COL14A1: variants seen among roughly 807,000 people sequenced by gnomAD.
The protein encoded by COL14A1 is collagen alpha-1(XIV) chain.
Under a neutral mutation model 230.3 loss-of-function variants are expected in COL14A1, and 136 were observed. That is an observed-to-expected ratio of 0.59 (90% CI 0.51 to 0.68). The LOEUF (loss-of-function observed/expected upper bound fraction) is 0.68. Among genes scored for constraint, COL14A1 ranks in the 30% least tolerant of loss-of-function variants. The pLI is 0.00. For synonymous variants in COL14A1, 792 were observed against 784.1 expected (o/e 1.01, Z -0.17); for missense variants, 1,976 against 2,215.8 (o/e 0.89, Z 2.17).
chr8:120,232,081 C>A (rs1017179840), intron 19 of COL14A1: 2 of 152,364 alleles, frequency 1.3e-5, no homozygotes, highest in African/African-American at 4.8e-5. Flanking sequence ...AATAAAATAC[C>A]ATCCGTTAAC....
At chr8:120,137,953 G>A (rs960514219) in intron 1 of COL14A1, among the ~76,000 whole-genome samples, 12 of 151,730 alleles carry the variant, frequency 7.9e-5, no homozygotes, top group African/African-American at 2.7e-4. Context: ...AACATACAGA[G>A]TATGTTTTTC....
At chr8:120,302,027 C>T (rs1301995123) in intron 36 of COL14A1, among the ~76,000 whole-genome samples, 1 of 151,612 alleles carries the variant, frequency 6.6e-6, no homozygotes, top group African/African-American at 2.4e-5. Flanking sequence ...CTGTTTATGT[C>T]CTTCTTTTGA....
At chr8:120,138,417 G>A (rs1355789347) in intron 1 of COL14A1, among the ~76,000 whole-genome samples, 6 of 152,044 alleles carry the variant, frequency 3.9e-5, no homozygotes, top group African/African-American at 1.4e-4. Flanking sequence ...ATTCCATTCT[G>A]ACATTTCCCT....
chr8:120,139,422 G>T (rs80274832), intron 1 of COL14A1, among the ~76,000 whole-genome samples: 1 of 152,086 alleles, frequency 6.6e-6, no homozygotes, highest in Non-Finnish European at 1.5e-5. Context: ...GATAAAAATG[G>T]CTAGAAATGT....
chr8:120,313,029 A>G (rs1821097299), intron 37 of COL14A1, among the ~76,000 whole-genome samples: 1 of 152,166 alleles, frequency 6.6e-6, no homozygotes, highest in Non-Finnish European at 1.5e-5. Context: ...GGGTTACAGA[A>G]ATAAGGGTAA....
At chr8:120,303,616 T>C (rs7004015) in intron 36 of COL14A1, among the ~76,000 whole-genome samples, 82,064 of 151,960 alleles carry the variant, frequency 0.54, 23,975 homozygotes, top group African/African-American at 0.79. Flanking sequence ...AGCTTTTTGA[T>C]GTGCTGCTGG....
Position 120,289,773 on chromosome 8 carries a change from G to A in COL14A1, c.4236+7G>A. 1 of 1,609,808 alleles carries A rather than the reference G, an allele frequency of 6.2e-7. No homozygotes were observed. ...AGGTGGAAACTCTGCACCGGTAAGT[G>A]AATAAACCCGTGAAGCTGTGTTATT... On this transcript the variant is annotated splice_region_variant and intron_variant, in intron 34 of 47. Coordinates refer to ENST00000297848, the MANE Select transcript of COL14A1 (RefSeq NM_021110.4).
intron 5 of COL14A1, among the ~76,000 whole-genome samples, chr8:120,194,100 G>A (rs561279576): frequency 2.0e-5 from 3 of 152,290 alleles, no homozygotes; most frequent in Admixed American, 6.5e-5. Context: ...GGATGAACCC[G>A]GTACCTCAGA....
At position 120,162,830 on chromosome 8, in the gene COL14A1, T is replaced by G. The variant is rs182135369; in HGVS notation, c.349+261T>G. Among the ~76,000 whole-genome samples, 12 of 152,328 alleles carry G rather than the reference T, an allele frequency of 7.9e-5. No homozygotes were observed. The East Asian group carries it at 2.1e-3, about 27-fold the overall frequency. On this transcript the variant is annotated intron_variant, in intron 4 of 47. Transcript: ENST00000297848. ...ACTTCTTAACATTGGCTCCTGAACC[T>G]TACCCAGACATCTCTCCTATGTGAT...
At chr8:120,233,708 T>C (rs1025802288) in intron 19 of COL14A1, among the ~76,000 whole-genome samples, 3 of 152,212 alleles carry the variant, frequency 2.0e-5, no homozygotes, top group Non-Finnish European at 4.4e-5. Flanking sequence ...CCAAGCTGTT[T>C]TGGTTACTGT....
chr8:120,236,471 G>A (rs1376807776), intron 19 of COL14A1, among the ~76,000 whole-genome samples: 1 of 151,648 alleles, frequency 6.6e-6, no homozygotes, highest in African/African-American at 2.4e-5. Flanking sequence ...CATTTGCTTG[G>A]TAAATATTCC....
In COL14A1 at chr8:120,315,518, C is replaced by T. The variant is rs750677008; in HGVS notation, c.4552-15C>T. On this transcript the variant is annotated splice_polypyrimidine_tract_variant and intron_variant, in intron 38 of 47. Transcript: ENST00000297848. Reference sequence around the variant, plus strand: ...ACCTATGTGAACTTAACTCTGTATACTTTTGGATATTCAGGGAATGCCAGG... The same window carrying T: ...ACCTATGTGAACTTAACTCTGTATATTTTTGGATATTCAGGGAATGCCAGG... The T allele has an allele frequency of 5.6e-6, 9 of 1,608,004 alleles. No homozygotes were observed. The highest frequency in any genetic ancestry group is 7.7e-6 in the Non-Finnish European group (9 of 1,174,910).
intron 40 of COL14A1, among the ~76,000 whole-genome samples, chr8:120,327,681 T>C (rs1821725388): frequency 6.6e-6 from 1 of 152,126 alleles, no homozygotes; most frequent in Non-Finnish European, 1.5e-5. Flanking sequence ...CCAGACTCAT[T>C]CTACCTGTGA....
chr8:120,242,982 G>C (rs1172666658), intron 19 of COL14A1, among the ~76,000 whole-genome samples: 2 of 152,126 alleles, frequency 1.3e-5, no homozygotes, highest in Non-Finnish European at 2.9e-5. Flanking sequence ...TCCTGGTCTT[G>C]TGACTCCCTT....
At chr8:120,190,512 G>C (rs1816787188) in intron 5 of COL14A1, among the ~76,000 whole-genome samples, 1 of 151,986 alleles carries the variant, frequency 6.6e-6, no homozygotes, top group South Asian at 2.1e-4. Context: ...TGTCAATTTT[G>C]GCTTTTGTTG....
At chr8:120,139,870 T>TA (rs980830962) in intron 1 of COL14A1, among the ~76,000 whole-genome samples, 6 of 150,766 alleles carry the variant, frequency 4.0e-5, no homozygotes, top group Non-Finnish European at 7.4e-5. Context: ...TAAAAAAAAA[T>TA]AAAAAAAACT....
At chr8:120,166,909 TG>T (rs1815906597) in intron 4 of COL14A1, among the ~76,000 whole-genome samples, 1 of 149,376 alleles carries the variant, frequency 6.7e-6, no homozygotes, top group Admixed American at 6.6e-5. Context: ...TGTGTGTGTG[TG>T]TGTGTGTGTG....
chr8:120,233,045 T>C (rs1818326832), intron 19 of COL14A1, among the ~76,000 whole-genome samples: 2 of 152,246 alleles, frequency 1.3e-5, no homozygotes, highest in Admixed American at 6.5e-5. Flanking sequence ...CATATGTTTG[T>C]TGGCTGCATA....
Position 120,313,044 on chromosome 8 carries a change from G to A in COL14A1, c.4456-888G>A, listed in dbSNP as rs72678230. 3.3e-3 allele frequency among the ~76,000 whole-genome samples: 502 copies of A among 152,272 alleles called. 1 individual carries two copies. Among genetic ancestry groups the A allele is most frequent in the Non-Finnish European group, 4.4e-3 (302 of 68,022 alleles). ...GGGTTACAGAAATAAGGGTAAAAGG[G>A]ATGTCTGATCCTGAAAAGAAAGGAA... On this transcript the variant is annotated intron_variant, in intron 37 of 47. Transcript: ENST00000297848.
Sources: allele counts gnomAD v4.1 joint callset (sites outside exome capture counted in the v4.1 genomes callset), GRCh38; gene constraint gnomAD v4.1.1; transcripts MANE v1.5; gene names NCBI Gene and HGNC (gene_info 2026-07-23, HGNC 2026-07-21).